The following HECTD4 variants were observed in gnomAD, a reference collection of about 807,000 sequenced individuals.
The protein encoded by HECTD4 is HECT domain E3 ubiquitin protein ligase 4.
Under a neutral mutation model 471.5 loss-of-function variants are expected in HECTD4, and 114 were observed. The observed-to-expected ratio is 0.24, with a 90% confidence interval of 0.21 to 0.28. HECTD4 has a LOEUF of 0.28. Among genes scored for constraint, HECTD4 ranks in the 10% least tolerant of loss-of-function variants. The probability of loss-of-function intolerance (pLI) is 1.00; values close to 1 mark genes in which losing one functional copy is unlikely to be tolerated. For missense variants in HECTD4, 3,866 were observed against 5,651.5 expected (o/e 0.68, Z 10.13); for synonymous variants, 2,012 against 2,256.0 (o/e 0.89, Z 3.07).
At position 112,235,869 on chromosome 12, in the gene HECTD4, A is replaced by G. The variant is rs550596331; in HGVS notation, c.5445-85T>C. 4.3e-6 allele frequency: 5 copies of G among 1,167,158 alleles called. No individual in the cohort carries two copies. The African/African-American group carries it at 6.2e-5, about 14-fold the overall frequency. 72.3% of individuals were successfully genotyped at this position (1,167,158 alleles called of 1,614,324 possible). On this transcript the variant is annotated intron_variant, in intron 35 of 75. Coordinates refer to ENST00000682272, the MANE Select transcript of HECTD4 (RefSeq NM_001388303.1). This position sits in a 1 kb window ranked among gnomAD's most constrained non-coding sequence, Gnocchi z 5.0. ...AAGCAAGAGTTCTCTGAATGAAACA[A>G]ACCAATGAAATCTGATTTCACGAGG...
chr12:112,179,866 CT>C lies in HECTD4; in HGVS notation c.10988-470del, dbSNP rs2031602463. Among the ~76,000 whole-genome samples the C allele has an allele frequency of 6.6e-6, 1 of 152,214 alleles. No individual in the cohort carries two copies. Among genetic ancestry groups the C allele is most frequent in the South Asian group, 2.1e-4 (1 of 4,834 alleles). On this transcript the variant is annotated intron_variant, in intron 62 of 75. Coordinates refer to ENST00000682272, the MANE Select transcript of HECTD4 (RefSeq NM_001388303.1). This position sits in a 1 kb window ranked among gnomAD's most constrained non-coding sequence, Gnocchi z 4.3. The stretch of plus-strand genomic sequence containing the variant: ...CAAGTATTTTTAGTGGGAAGTACAA[CT>C]TGTTAAACAGGTGATCTCATTCATA...
intron 1 of HECTD4, among the ~76,000 whole-genome samples, chr12:112,349,110 AG>A (rs1402089991): frequency 6.6e-6 from 1 of 152,202 alleles, no homozygotes; most frequent in Non-Finnish European, 1.5e-5. Context: ...ATGCATAAAG[AG>A]GCCAGGTGCG....
Position 112,185,224 on chromosome 12 carries a change from C to T in HECTD4, c.9742G>A (p.Gly3248Ser), listed in dbSNP as rs1211813668. ...GCATGAAAATACGTAGAGAACCTGC[C>T]CTGGTCACCGGCCGCCGCCCCCCCG... Reference protein sequence around the residue: ...GSGGAAAGDQGRFSTYFHALM... With the variant: ...GSGGAAAGDQSRFSTYFHALM... The change falls in exon 61 of 76, where the codon GGC becomes AGC. Residue 3248 changes from glycine to serine, a missense_variant. By Grantham distance (56) the Gly-to-Ser change is moderately conservative. Transcript: ENST00000682272. 11 of 1,551,048 alleles carry T rather than the reference C, an allele frequency of 7.1e-6. No individual in the cohort carries two copies. The highest frequency in any genetic ancestry group is 1.2e-5 in the South Asian group (1 of 84,080).
chr12:112,300,169 G>T (rs1431402949), intron 7 of HECTD4, among the ~76,000 whole-genome samples: 1 of 151,868 alleles, frequency 6.6e-6, no homozygotes, highest in African/African-American at 2.4e-5. Flanking sequence ...ACAAAAATTA[G>T]CTGGGCATGA....
At chr12:112,232,920 G>T (rs2033417100) in intron 38 of HECTD4, 84 bp downstream of exon 38, 2 of 1,260,258 alleles carry the variant, frequency 1.6e-6, no homozygotes, top group Admixed American at 2.1e-5. Context: ...CTAATTTTTT[G>T]TTTTCTTAAT....
chr12:112,316,104 C>T (rs902348958), intron 2 of HECTD4, among the ~76,000 whole-genome samples: 2 of 152,014 alleles, frequency 1.3e-5, no homozygotes, highest in Non-Finnish European at 2.9e-5. Context: ...GTGATCTGGG[C>T]CCTGCCAACT....
At position 112,251,063 on chromosome 12, in the gene HECTD4, A is replaced by G. The variant is rs1164261080; in HGVS notation, c.3624T>C (p.Ala1208=). The change falls in exon 24 of 76, where the codon GCT becomes GCC. Residue 1208 remains alanine, a synonymous_variant. Transcript: ENST00000682272. ...TGTACAGGATTCTTAACATGGAACA[A>G]GCTAACACAGACAGACCTAAAGCCA... is the stretch of plus-strand genomic sequence containing the variant. ...VDLALGLSVL[A]CSMLRILYNG... The G allele has an allele frequency of 1.2e-6, 2 of 1,613,920 alleles. No individual in the cohort carries two copies. Among genetic ancestry groups the G allele is most frequent in the Non-Finnish European group, 1.7e-6 (2 of 1,179,904 alleles).
Position 112,250,311 on chromosome 12 carries a change from C to T in HECTD4, c.3783G>A (p.Leu1261=). Residue 1261 remains leucine (L), a synonymous_variant, in exon 25 of 76, where the codon CTG becomes CTA. Transcript: ENST00000682272. Reference sequence around the variant, plus strand: ...CTCTGTCTTCCTCTATGGTCAGAGGCAGTGGAGAGGGGCTCGGAGTAAGGG... The same window carrying T: ...CTCTGTCTTCCTCTATGGTCAGAGGTAGTGGAGAGGGGCTCGGAGTAAGGG... ...SPALTPSPSP[L]PLTIEEDREF... 6.2e-7 allele frequency: 1 copy of T among 1,613,916 alleles called. No individual in the cohort carries two copies. Among genetic ancestry groups the T allele is most frequent in the Non-Finnish European group, 8.5e-7 (1 of 1,179,850 alleles).
chr12:112,270,500 T>G, intron 11 of HECTD4, 41 bp from the exon 12 acceptor site: 13 of 1,507,072 alleles, frequency 8.6e-6, no homozygotes, highest in Non-Finnish European at 1.0e-5. Flanking sequence ...AAGACATCTC[T>G]ATGGGTGGTC....
Position 112,167,522 on chromosome 12 carries a change from G to C in HECTD4, c.12329C>G (p.Thr4110Ser), listed in dbSNP as rs1339912817. 1 of 1,599,426 alleles carries C rather than the reference G, an allele frequency of 6.3e-7. No homozygotes were observed. The highest frequency in any genetic ancestry group is 8.5e-7 in the Non-Finnish European group (1 of 1,171,364). ...CTCCCCGTAGGTGATGGGGCTCGGG[G>C]TCAGGATATACTTGCCCTGGAAGTG... ...VNKNKGKYIL[T>S]PSPITYGEEQ... Residue 4110 changes from threonine (T) to serine (S), a missense_variant, in exon 72 of 76, where the codon ACC becomes AGC. Thr to Ser is a moderately conservative substitution (Grantham distance 58). This residue lies in a region of HECTD4 where 715 missense variants were observed against 1,087.6 expected (regional missense o/e 0.66). Transcript: ENST00000682272.
intron 1 of HECTD4, among the ~76,000 whole-genome samples, chr12:112,359,708 C>T (rs1036231112): frequency 3.3e-5 from 5 of 151,984 alleles, no homozygotes; most frequent in Non-Finnish European, 7.4e-5. Flanking sequence ...CGTGAGCCAC[C>T]GCGCCTGGCC....
chr12:112,308,724 T>C (rs2035318536), intron 6 of HECTD4, 29 bp downstream of exon 6: 1 of 1,517,494 alleles, frequency 6.6e-7, no homozygotes, highest in Non-Finnish European at 8.8e-7. Context: ...CTAAAATATG[T>C]TTTAAAAATG....
intron 25 of HECTD4, 103 bp downstream of exon 25, chr12:112,250,041 A>C: frequency 1.2e-6 from 1 of 824,764 alleles, no homozygotes; most frequent in South Asian, 1.7e-5. Flanking sequence ...GTAAACATAA[A>C]ATTAAAGTTT....
intron 2 of HECTD4, among the ~76,000 whole-genome samples, chr12:112,317,258 G>A (rs535619529): frequency 1.1e-4 from 17 of 152,166 alleles, no homozygotes; most frequent in Admixed American, 5.9e-4. Context: ...GCACATGTCA[G>A]GATTCACAAA....
intron 70 of HECTD4, among the ~76,000 whole-genome samples, chr12:112,169,076 G>A (rs1050801061): frequency 6.6e-6 from 1 of 152,204 alleles, no homozygotes; most frequent in East Asian, 1.9e-4. Context: ...TGAATGTCTG[G>A]GGCTAAGCAT....
At position 112,162,128 on chromosome 12, in the gene HECTD4, T is replaced by G; in HGVS notation, c.*259A>C. 2.3e-6 allele frequency: 1 copy of G among 426,970 alleles called. No individual in the cohort carries two copies. The allele number at this position is 426,970 out of a possible 1,614,324, so 26.4% of individuals were successfully genotyped here. A position where few individuals can be genotyped will look rare whatever the true frequency, so the allele number is the denominator to read the frequency against. On this transcript the variant is annotated 3_prime_UTR_variant, in exon 76 of 76. Coordinates refer to ENST00000682272, the MANE Select transcript of HECTD4 (RefSeq NM_001388303.1). The surrounding 1 kb of genome is among the most constrained non-coding windows in gnomAD (Gnocchi z 5.2). ...AGGGACAATGTCCAAGAAGATCAAATTAGACACAAACTGTCTGGGAACTAA... is the reference window on the plus strand; with the variant it reads ...AGGGACAATGTCCAAGAAGATCAAAGTAGACACAAACTGTCTGGGAACTAA...
chr12:112,269,900 A>G, intron 12 of HECTD4, 51 bp from the exon 13 acceptor site: 2 of 1,502,016 alleles, frequency 1.3e-6, no homozygotes, highest in South Asian at 2.3e-5. Flanking sequence ...ACTGGGGATA[A>G]AATTATCTCT....
In HECTD4 at chr12:112,244,894, C is replaced by T. The variant is rs539177306; in HGVS notation, c.4514-885G>A. Reference sequence around the variant, plus strand: ...CCAGGGAAATAGATGTTTTATAAAACAATCCTTAAATGGAAGAAGATAAAA... The same window carrying T: ...CCAGGGAAATAGATGTTTTATAAAATAATCCTTAAATGGAAGAAGATAAAA... On this transcript the variant is annotated intron_variant, in intron 29 of 75. Coordinates refer to ENST00000682272, the MANE Select transcript of HECTD4 (RefSeq NM_001388303.1). Among the ~76,000 whole-genome samples the T allele has an allele frequency of 2.0e-5, 3 of 151,872 alleles. No individual in the cohort carries two copies. In the South Asian group the frequency reaches 6.2e-4, roughly 32 times the overall value.
chr12:112,269,721 T>A lies in HECTD4; in HGVS notation c.2304A>T (p.Glu768Asp), dbSNP rs1467263745. 6.2e-7 allele frequency: 1 copy of A among 1,614,018 alleles called. No homozygotes were observed. The highest frequency in any genetic ancestry group is 1.1e-5 in the South Asian group (1 of 91,070). ...CTGTTTACCTGATGGCAAGGCAGAC[T>A]TCCTTCTGAATTTCAGGGCAAATTT... is the stretch of plus-strand genomic sequence containing the variant. ...KDQICPEIQK[E>D]VCLAISSGLN... The change falls in exon 13 of 76, where the codon GAA (glutamate) becomes GAT (aspartate). Residue 768 changes from glutamate to aspartate, a missense_variant. This residue lies in a region of HECTD4 where 525 missense variants were observed against 672.6 expected (regional missense o/e 0.78). Transcript: ENST00000682272.
Sources: allele counts gnomAD v4.1 joint callset (sites outside exome capture counted in the v4.1 genomes callset), GRCh38; gene constraint gnomAD v4.1.1; regional missense constraint gnomAD v4.1.1; non-coding constraint Gnocchi (gnomAD v3.1); transcripts MANE v1.5; gene names NCBI Gene and HGNC (gene_info 2026-07-23, HGNC 2026-07-21).